The following GRM7 variants were observed in gnomAD, a reference collection of about 807,000 sequenced individuals.
GRM7 encodes glutamate metabotropic receptor 7, also known as metabotropic glutamate receptor 7.
GRM7 carries 35 observed loss-of-function variants against 84.5 expected under a neutral mutation model. That is an observed-to-expected ratio of 0.41 (90% CI 0.32 to 0.55). The LOEUF (loss-of-function observed/expected upper bound fraction) is 0.55. Ranked by LOEUF, GRM7 falls within the 20% of genes least tolerant of loss-of-function variation. GRM7 has a pLI of 0.19. For missense variants in GRM7, 1,003 were observed against 1,194.6 expected, an observed-to-expected ratio of 0.84 and a Z score of 2.36; for synonymous variants, 487 against 455.1, an observed-to-expected ratio of 1.07 and a Z score of -0.89.
intron 1 of GRM7, among the ~76,000 whole-genome samples, chr3:6,919,012 G>T (rs371779305): frequency 1.3e-5 from 2 of 152,104 alleles, no homozygotes; most frequent in Non-Finnish European, 2.9e-5. Context: ...TTATGGCCCC[G>T]CTGCATAGCA....
At chr3:7,125,403 C>G (rs1311201051) in intron 1 of GRM7, among the ~76,000 whole-genome samples, 1 of 152,138 alleles carries the variant, frequency 6.6e-6, no homozygotes, top group Non-Finnish European at 1.5e-5. Flanking sequence ...GGTTTCATCC[C>G]ACTCCCCTCA....
rs377437535 is a variant in GRM7, at chr3:7,146,504, G to A, written c.572G>A (p.Arg191His). The A allele has an allele frequency of 2.5e-6, 4 of 1,613,932 alleles. No individual in the cohort carries two copies. The highest frequency in any genetic ancestry group is 1.3e-5 in the African/African-American group (1 of 75,010). Residue 191 changes from arginine to histidine, a missense_variant, in exon 2 of 10, where the codon CGC (arginine) becomes CAC (histidine). Around this residue, in one of 2 missense-constraint regions of GRM7, gnomAD observed 910 missense variants for 1,126.0 expected, o/e 0.81. Transcript: ENST00000357716. ...GCACCCGAGCTAAGTGATGACCGGC[G>A]CTATGACTTCTTCTCTCGCGTGGTG... Reference protein sequence around the residue: ...STAPELSDDRRYDFFSRVVPP... With the variant: ...STAPELSDDRHYDFFSRVVPP...
chr3:7,551,556 G>A (rs936452841), intron 7 of GRM7, among the ~76,000 whole-genome samples: 1 of 151,020 alleles, frequency 6.6e-6, no homozygotes, highest in African/African-American at 2.4e-5. Flanking sequence ...TACAATTCTT[G>A]ACATTTACTT....
chr3:6,977,524 G>C (rs550445326), intron 1 of GRM7, among the ~76,000 whole-genome samples: 73 of 152,236 alleles, frequency 4.8e-4, no homozygotes, highest in African/African-American at 1.7e-3. Context: ...TCTAAATTTA[G>C]ATTCAGCAAT....
At chr3:7,622,480 TG>T (rs1464704329) in intron 8 of GRM7, among the ~76,000 whole-genome samples, 1 of 151,982 alleles carries the variant, frequency 6.6e-6, no homozygotes, top group African/African-American at 2.4e-5. Context: ...TGTGGTCAGA[TG>T]GGGGAGACAG....
intron 1 of GRM7, among the ~76,000 whole-genome samples, chr3:7,102,800 G>A (rs1170496587): frequency 1.3e-5 from 2 of 151,408 alleles, no homozygotes; most frequent in Non-Finnish European, 3.0e-5. Flanking sequence ...TCAGTTCAAT[G>A]GCCCTTTCTT....
rs1035423709 is a variant in GRM7, at chr3:7,375,860, T to C, written c.1034-39163T>C. ...CAAACCAGAGTGAGTCTCCAGCCTC[T>C]CCCAGGTGCAGCTCTTTTACTGAAC... On this transcript the variant is annotated intron_variant, in intron 4 of 9. Coordinates refer to ENST00000357716, the MANE Select transcript of GRM7 (RefSeq NM_000844.4). Among the ~76,000 whole-genome samples the C allele has an allele frequency of 2.4e-4, 37 of 152,140 alleles. 1 individual carries two copies. Among genetic ancestry groups the C allele is most frequent in the African/African-American group, 8.4e-4 (35 of 41,440 alleles).
chr3:7,212,914 G>A (rs1696477985), intron 2 of GRM7, among the ~76,000 whole-genome samples: 1 of 152,174 alleles, frequency 6.6e-6, no homozygotes, highest in African/African-American at 2.4e-5. Context: ...AAAGCCCAGT[G>A]AATAGTGGCT....
At chr3:7,538,358 C>A (rs1047096750) in intron 7 of GRM7, among the ~76,000 whole-genome samples, 2 of 152,224 alleles carry the variant, frequency 1.3e-5, no homozygotes, top group African/African-American at 2.4e-5. Flanking sequence ...GTGATCTGCA[C>A]GCCTCAGCCT....
At chr3:7,088,148 A>C (rs1012006170) in intron 1 of GRM7, among the ~76,000 whole-genome samples, 2 of 151,602 alleles carry the variant, frequency 1.3e-5, no homozygotes, top group Non-Finnish European at 2.9e-5. Flanking sequence ...GGAGTTGTTA[A>C]CTAATGCCTA....
intron 4 of GRM7, among the ~76,000 whole-genome samples, chr3:7,344,288 TATGTGTCC>T (rs1692787448): frequency 6.6e-6 from 1 of 152,154 alleles, no homozygotes; most frequent in African/African-American, 2.4e-5. Flanking sequence ...TGTTACCCTC[TATGTGTCC>T]ATGTGTTCTC....
At chr3:7,087,315 A>G (rs1698493177) in intron 1 of GRM7, among the ~76,000 whole-genome samples, 1 of 152,090 alleles carries the variant, frequency 6.6e-6, no homozygotes, top group East Asian at 1.9e-4. Flanking sequence ...AAGTTTTTGG[A>G]TGCAACTAAT....
At chr3:7,303,097 T>C (rs1489007348) in intron 3 of GRM7, among the ~76,000 whole-genome samples, 1 of 151,994 alleles carries the variant, frequency 6.6e-6, no homozygotes, top group Non-Finnish European at 1.5e-5. Flanking sequence ...CCCGCCACCA[T>C]GGCCAGCTAA....
chr3:7,242,165 A>G (rs1697583768), intron 2 of GRM7, among the ~76,000 whole-genome samples: 1 of 152,160 alleles, frequency 6.6e-6, no homozygotes, highest in Non-Finnish European at 1.5e-5. Context: ...TTAAACAAAG[A>G]TGTCAACTTA....
intron 1 of GRM7, among the ~76,000 whole-genome samples, chr3:6,919,012 G>A (rs371779305): frequency 1.3e-5 from 2 of 152,104 alleles, no homozygotes; most frequent in African/African-American, 2.4e-5. Flanking sequence ...TTATGGCCCC[G>A]CTGCATAGCA....
At chr3:7,057,772 A>G (rs1697279093) in intron 1 of GRM7, among the ~76,000 whole-genome samples, 1 of 151,824 alleles carries the variant, frequency 6.6e-6, no homozygotes. Flanking sequence ...GCTTGTGACT[A>G]CCTTGGGACT....
intron 1 of GRM7, among the ~76,000 whole-genome samples, chr3:6,878,536 T>G (rs1695396819): frequency 1.0e-5 from 1 of 100,094 alleles, no homozygotes; most frequent in South Asian, 3.5e-4. Context: ...TTTAAGAGAT[T>G]AACATAAAAT....
intron 1 of GRM7, among the ~76,000 whole-genome samples, chr3:6,903,039 G>A (rs994124105): frequency 6.6e-6 from 1 of 152,042 alleles, no homozygotes. Context: ...TTCTTTGCAT[G>A]GGTGACATGA....
At chr3:7,526,030 A>C (rs1287858385) in intron 7 of GRM7, among the ~76,000 whole-genome samples, 3 of 152,174 alleles carry the variant, frequency 2.0e-5, no homozygotes, top group Admixed American at 6.6e-5. Context: ...TGTCTTTTTG[A>C]TAGCATGATT....
Sources: gnomAD v4.1 joint callset for allele counts (sites outside exome capture counted in the v4.1 genomes callset) on GRCh38, gnomAD v4.1.1 for gene constraint, gnomAD v4.1.1 regional missense constraint, MANE v1.5 for transcripts, NCBI Gene and HGNC (gene_info 2026-07-23, HGNC 2026-07-21) for gene names.